Variants in PCDHGB2 observed in about 807,000 individuals in gnomAD.
PCDHGB2 encodes the protein protocadherin gamma-B2.
PCDHGB2 carries 55 observed loss-of-function variants against 59.3 expected under a neutral mutation model. The ratio of observed to expected loss-of-function variants is 0.93; its 90% confidence interval spans 0.75 to 1.16. PCDHGB2 has a LOEUF of 1.16. Among genes scored for constraint, PCDHGB2 ranks in the 50% most tolerant of loss-of-function variants. PCDHGB2 has a pLI of 0.00. For synonymous variants in PCDHGB2, 516 were observed against 512.0 expected (o/e 1.01, Z -0.11); for missense variants, 1,228 against 1,198.5 (o/e 1.02, Z -0.36).
chr5:141,410,518 C>T (rs753664223), intron 1 of PCDHGB2: 1 of 1,613,820 alleles, frequency 6.2e-7, no homozygotes, highest in Non-Finnish European at 8.5e-7. Flanking sequence ...GCAGTGTGCC[C>T]CTACATTCCA....
chr5:141,371,771 G>T, intron 1 of PCDHGB2: 1 of 1,613,966 alleles, frequency 6.2e-7, no homozygotes, highest in Non-Finnish European at 8.5e-7. Flanking sequence ...CCTACACCGT[G>T]CATGTAGCTG....
chr5:141,423,358 G>T (rs202010010), intron 1 of PCDHGB2: 1 of 1,614,196 alleles, frequency 6.2e-7, no homozygotes, highest in South Asian at 1.1e-5. Flanking sequence ...CTTTGTCATC[G>T]TGCTGCTGGC....
rs888836155 is a variant in PCDHGB2, at chr5:141,512,011, A to C, written c.*838A>C. The C allele has an allele frequency of 1.3e-5, 2 of 152,946 alleles. No homozygotes were observed. The highest frequency in any genetic ancestry group is 6.5e-5 in the Admixed American group (1 of 15,300). The allele number at this position is 152,946 out of a possible 1,614,324, so 9.5% of individuals were successfully genotyped here. ...GGCATGGACAAAGCTTGACACATCA[A>C]GTTATCAAGGCCTTGGAGGAGGCTC... On this transcript the variant is annotated 3_prime_UTR_variant, in exon 4 of 4. Coordinates refer to ENST00000522605, the MANE Select transcript of PCDHGB2 (RefSeq NM_018923.3).
At chr5:141,399,652 G>A in intron 1 of PCDHGB2, 1 of 1,613,758 alleles carries the variant, frequency 6.2e-7, no homozygotes, top group Non-Finnish European at 8.5e-7. Flanking sequence ...GCAAAGTGGG[G>A]TGGTGTTCGC....
rs116716465 is a variant in PCDHGB2, at chr5:141,484,286, C to T, written c.2422-10521C>T. ...GATTCTTTACTGTTTTGAAACATCTCCCTCTCCTGGCTTCCTCCACCCCGC... is the reference window on the plus strand; with the variant it reads ...GATTCTTTACTGTTTTGAAACATCTTCCTCTCCTGGCTTCCTCCACCCCGC... On this transcript the variant is annotated intron_variant, in intron 1 of 3. Coordinates refer to ENST00000522605, the MANE Select transcript of PCDHGB2 (RefSeq NM_018923.3). 8.3e-3 allele frequency among the ~76,000 whole-genome samples: 1,266 copies of T among 152,294 alleles called. 10 individuals carry two copies. The highest frequency in any genetic ancestry group is 0.014 in the Non-Finnish European group (936 of 68,022).
At position 141,361,729 on chromosome 5, in the gene PCDHGB2, C is replaced by G. The variant is rs1762153939; in HGVS notation, c.1594C>G (p.Leu532Val). The G allele has an allele frequency of 6.2e-7, 1 of 1,613,138 alleles. No individual in the cohort carries two copies. The highest frequency in any genetic ancestry group is 8.5e-7 in the Non-Finnish European group (1 of 1,179,806). ...GCAGCTGCGCGCCTTCGAGCTCACACTGCAGGCCCGCGACCAGGGCTCGCC... is the reference window on the plus strand; with the variant it reads ...GCAGCTGCGCGCCTTCGAGCTCACAGTGCAGGCCCGCGACCAGGGCTCGCC... ...HEQLRAFELTLQARDQGSPAL... is the reference protein window; with the variant it reads ...HEQLRAFELTVQARDQGSPAL... Residue 532 changes from leucine (L) to valine (V), a missense_variant, in exon 1 of 4, where the codon CTG (leucine) becomes GTG (valine). Transcript: ENST00000522605.
intron 1 of PCDHGB2, among the ~76,000 whole-genome samples, chr5:141,437,811 C>A (rs964885701): frequency 6.6e-6 from 1 of 150,864 alleles, no homozygotes; most frequent in African/African-American, 2.4e-5. Flanking sequence ...TATCTTGGCT[C>A]ACTGCAACCT....
chr5:141,378,581 G>A (rs17524659), intron 1 of PCDHGB2: 5,512 of 152,208 alleles, frequency 0.036, 128 homozygotes, highest in South Asian at 0.08. Flanking sequence ...AAACATGCTC[G>A]GTAGTGTCTG....
intron 1 of PCDHGB2, chr5:141,366,144 C>A: frequency 6.2e-7 from 1 of 1,614,182 alleles, no homozygotes; most frequent in South Asian, 1.1e-5. Flanking sequence ...GCCTGGCTGT[C>A]CTACCGCCTG....
In PCDHGB2 at chr5:141,511,406, G is replaced by C; in HGVS notation, c.*233G>C. The C allele has an allele frequency of 1.1e-6, 1 of 942,018 alleles. No individual in the cohort carries two copies. The highest frequency in any genetic ancestry group is 1.7e-5 in the African/African-American group (1 of 60,280). The allele number at this position is 942,018 out of a possible 1,614,324, so 58.4% of individuals were successfully genotyped here. ...GCTGGGAACCCCCATCCAATCAACT[G>C]CTGTACCCATGGGGGTAGTGGGGTT... On this transcript the variant is annotated 3_prime_UTR_variant, in exon 4 of 4. Coordinates refer to ENST00000522605, the MANE Select transcript of PCDHGB2 (RefSeq NM_018923.3).
chr5:141,491,438 G>A lies in PCDHGB2; in HGVS notation c.2422-3369G>A, dbSNP rs376927300. The A allele has an allele frequency of 3.7e-6, 6 of 1,614,066 alleles. No homozygotes were observed. Among genetic ancestry groups the A allele is most frequent in the Admixed American group, 1.7e-5 (1 of 60,016 alleles). On this transcript the variant is annotated intron_variant, in intron 1 of 3. Coordinates refer to ENST00000522605, the MANE Select transcript of PCDHGB2 (RefSeq NM_018923.3). This position sits in a 1 kb window ranked among gnomAD's most constrained non-coding sequence, Gnocchi z 6.9. ...GGGGGTGGAGGGCAGTGCTGCAGGC[G>A]CCAGGACTCACCCTCCCCGGACTTC...
At chr5:141,436,668 C>CA (rs1159051861) in intron 1 of PCDHGB2, among the ~76,000 whole-genome samples, 1 of 151,748 alleles carries the variant, frequency 6.6e-6, no homozygotes, top group South Asian at 2.1e-4. Flanking sequence ...AGTGGTTGAC[C>CA]AAAAAAAGGA....
At chr5:141,404,762 C>T (rs1466259455) in intron 1 of PCDHGB2, 1 of 1,613,828 alleles carries the variant, frequency 6.2e-7, no homozygotes, top group East Asian at 2.2e-5. Flanking sequence ...GAATGCTTGG[C>T]TCTCCTACCG....
At chr5:141,452,881 T>A (rs1273440996) in intron 1 of PCDHGB2, among the ~76,000 whole-genome samples, 1 of 152,166 alleles carries the variant, frequency 6.6e-6, no homozygotes, top group African/African-American at 2.4e-5. Context: ...TTTGTAATAA[T>A]TTATTCCACT....
chr5:141,390,137 T>C lies in PCDHGB2; in HGVS notation c.2421+27581T>C, dbSNP rs373308909. The stretch of plus-strand genomic sequence containing the variant: ...AGGGGACTTTGCCTTATTCCTACAA[T>C]CTATGTGTTGCACATACAGGAAAGA... On this transcript the variant is annotated intron_variant, in intron 1 of 3. Coordinates refer to ENST00000522605, the MANE Select transcript of PCDHGB2 (RefSeq NM_018923.3). 3.1e-4 allele frequency: 506 copies of C among 1,614,052 alleles called. 2 individuals carry two copies. The African/African-American group carries it at 6.2e-3, about 20-fold the overall frequency.
At chr5:141,446,035 A>G (rs1300621298) in intron 1 of PCDHGB2, among the ~76,000 whole-genome samples, 1 of 152,222 alleles carries the variant, frequency 6.6e-6, no homozygotes, top group Non-Finnish European at 1.5e-5. Context: ...CTGGTAAGAA[A>G]TGGAAGAAGA....
intron 1 of PCDHGB2, chr5:141,428,769 T>A (rs1367357065): frequency 6.5e-6 from 1 of 154,242 alleles, no homozygotes; most frequent in Non-Finnish European, 1.4e-5. Flanking sequence ...TTGCCCACTC[T>A]TAATATTTCC....
At chr5:141,376,284 G>T (rs1393856164) in intron 1 of PCDHGB2, 12 of 1,614,102 alleles carry the variant, frequency 7.4e-6, no homozygotes, top group Non-Finnish European at 1.0e-5. Flanking sequence ...GGCTTAGCGA[G>T]CATGCCCGGC....
chr5:141,388,237 A>G, intron 1 of PCDHGB2: 3 of 1,607,818 alleles, frequency 1.9e-6, no homozygotes, highest in Non-Finnish European at 2.6e-6. Context: ...AACTTTTATC[A>G]CGTGAATGTG....
Sources: gnomAD v4.1 joint callset for allele counts (sites outside exome capture counted in the v4.1 genomes callset) on GRCh38, gnomAD v4.1.1 for gene constraint, Gnocchi (gnomAD v3.1) non-coding constraint, MANE v1.5 for transcripts, NCBI Gene and HGNC (gene_info 2026-07-23, HGNC 2026-07-21) for gene names.